The following PRICKLE1 variants were observed in gnomAD, a reference collection of about 807,000 sequenced individuals.
The protein encoded by PRICKLE1 is prickle-like protein 1.
In PRICKLE1, 14 loss-of-function variants were observed where a neutral mutation model predicts 70.2. That is an observed-to-expected ratio of 0.20 (90% CI 0.13 to 0.31). PRICKLE1 has a LOEUF of 0.31. PRICKLE1 is among the 10% of genes least tolerant of loss of function. The probability of loss-of-function intolerance (pLI) is 1.00; values close to 1 mark genes in which losing one functional copy is unlikely to be tolerated. For missense variants in PRICKLE1, 821 were observed against 1,026.2 expected, an observed-to-expected ratio of 0.80 and a Z score of 2.73; for synonymous variants, 357 against 379.9, an observed-to-expected ratio of 0.94 and a Z score of 0.70.
intron 1 of PRICKLE1, 117 bp from the exon 2 acceptor site, chr12:42,472,681 C>G: frequency 1.2e-6 from 1 of 838,806 alleles, no homozygotes; most frequent in South Asian, 1.6e-5. Context: ...GAGAAAGTAA[C>G]CAAATTACTA....
At chr12:42,550,370 G>C (rs1940294215) in intron 1 of PRICKLE1, 1 of 152,118 alleles carries the variant, frequency 6.6e-6, no homozygotes, top group African/African-American at 2.4e-5. Context: ...GTAAATGACT[G>C]AACTTTAAAA....
chr12:42,565,157 C>G (rs1940600334), intron 1 of PRICKLE1, among the ~76,000 whole-genome samples: 1 of 152,216 alleles, frequency 6.6e-6, no homozygotes, highest in African/African-American at 2.4e-5. Flanking sequence ...TCTCCCAGTA[C>G]TGGGGGAACC....
intron 1 of PRICKLE1, among the ~76,000 whole-genome samples, chr12:42,509,540 C>T (rs10880309): frequency 0.58 from 87,776 of 151,776 alleles, 25,675 homozygotes; most frequent in East Asian, 0.72. Flanking sequence ...CTGGGTGGGA[C>T]GACTTTGGAG....
chr12:42,545,228 T>A (rs1304582394), intron 1 of PRICKLE1, among the ~76,000 whole-genome samples: 1 of 152,136 alleles, frequency 6.6e-6, no homozygotes, highest in African/African-American at 2.4e-5. Context: ...AGTCTAGAAC[T>A]CCTGAGCTCA....
At chr12:42,545,489 G>T (rs1190213778) in intron 1 of PRICKLE1, among the ~76,000 whole-genome samples, 1 of 152,204 alleles carries the variant, frequency 6.6e-6, no homozygotes, top group Non-Finnish European at 1.5e-5. Flanking sequence ...AAAGTCTCAT[G>T]CATTAAATTG....
chr12:42,532,199 T>C (rs947725787), intron 1 of PRICKLE1, among the ~76,000 whole-genome samples: 1 of 152,166 alleles, frequency 6.6e-6, no homozygotes, highest in African/African-American at 2.4e-5. Flanking sequence ...ACAATTTTCA[T>C]TTTCCTAGCA....
chr12:42,476,022 C>A (rs1425057203), intron 1 of PRICKLE1, among the ~76,000 whole-genome samples: 1 of 149,052 alleles, frequency 6.7e-6, no homozygotes, highest in East Asian at 2.0e-4. Flanking sequence ...ATTGCTTGAA[C>A]CGGAAGTTGC....
intron 1 of PRICKLE1, among the ~76,000 whole-genome samples, chr12:42,579,025 A>G (rs1383564387): frequency 6.6e-6 from 1 of 152,152 alleles, no homozygotes; most frequent in African/African-American, 2.4e-5. Context: ...GGCCTCCCAA[A>G]GTGCTGGGAT....
At chr12:42,516,277 G>A (rs1017331789) in intron 1 of PRICKLE1, among the ~76,000 whole-genome samples, 5 of 152,114 alleles carry the variant, frequency 3.3e-5, no homozygotes, top group Admixed American at 3.3e-4. Flanking sequence ...GACTACAGGT[G>A]CCCACCACCA....
chr12:42,486,156 C>G (rs1938987177), intron 1 of PRICKLE1, among the ~76,000 whole-genome samples: 3 of 152,218 alleles, frequency 2.0e-5, no homozygotes, highest in Admixed American at 1.3e-4. Context: ...CTGGTCTTTG[C>G]TCTAAGGTCA....
chr12:42,495,400 A>AAGAG (rs1214248453), intron 1 of PRICKLE1, among the ~76,000 whole-genome samples: 2 of 136,582 alleles, frequency 1.5e-5, no homozygotes, highest in African/African-American at 3.1e-5. Context: ...AAAAAAAAAA[A>AAGAG]AGAGAGAGAG....
At chr12:42,469,428 C>T in intron 4 of PRICKLE1, 22 bp downstream of exon 4, 1 of 1,613,644 alleles carries the variant, frequency 6.2e-7, no homozygotes, top group Admixed American at 1.7e-5. Context: ...ACAAGCTACG[C>T]ATCAGAGAAG....
At chr12:42,532,623 C>T (rs1041411054) in intron 1 of PRICKLE1, among the ~76,000 whole-genome samples, 1 of 152,152 alleles carries the variant, frequency 6.6e-6, no homozygotes, top group Non-Finnish European at 1.5e-5. Flanking sequence ...TCCGGCCGGG[C>T]GCGGTGGCTC....
intron 1 of PRICKLE1, among the ~76,000 whole-genome samples, chr12:42,569,198 A>G (rs1940669206): frequency 6.6e-6 from 1 of 152,238 alleles, no homozygotes; most frequent in Admixed American, 6.5e-5. Context: ...CTTAAAATGT[A>G]AAGTTAAAAC....
chr12:42,551,927 T>C (rs143213501), intron 1 of PRICKLE1, among the ~76,000 whole-genome samples: 2,214 of 152,324 alleles, frequency 0.015, 52 homozygotes, highest in African/African-American at 0.05. Flanking sequence ...ATTTCTATGA[T>C]GTTTAAAACT....
At position 42,466,246 on chromosome 12, in the gene PRICKLE1, G is replaced by A. The variant is rs1938091602; in HGVS notation, c.723C>T (p.Gly241=). 6.2e-7 allele frequency: 1 copy of A among 1,614,086 alleles called. No individual in the cohort carries two copies. The highest frequency in any genetic ancestry group is 1.3e-5 in the African/African-American group (1 of 74,922). ...ACTCCGCATAGAGAGACTCAAAACA[G>A]CCACAGCAGAAGGGGCGGCCGTCCT... ...IMKDGRPFCC[G]CFESLYAEYC... Residue 241 remains glycine (G), a synonymous_variant, in exon 6 of 8, where the codon GGC becomes GGT. Coordinates refer to ENST00000345127, the MANE Select transcript of PRICKLE1 (RefSeq NM_153026.3).
chr12:42,479,716 G>A (rs1566093031), intron 1 of PRICKLE1, among the ~76,000 whole-genome samples: 1 of 152,172 alleles, frequency 6.6e-6, no homozygotes, highest in Non-Finnish European at 1.5e-5. Context: ...CAGCACTATA[G>A]AGGCTAAGGT....
At chr12:42,528,876 C>T (rs1939859771) in intron 1 of PRICKLE1, among the ~76,000 whole-genome samples, 1 of 152,210 alleles carries the variant, frequency 6.6e-6, no homozygotes, top group Non-Finnish European at 1.5e-5. Context: ...ACAGACTACA[C>T]AGCTTCTCTA....
intron 1 of PRICKLE1, among the ~76,000 whole-genome samples, chr12:42,478,909 T>C (rs1938684047): frequency 6.6e-6 from 1 of 152,086 alleles, no homozygotes; most frequent in Non-Finnish European, 1.5e-5. Flanking sequence ...TTCTCAATCA[T>C]CATTGTCAAG....
Sources: gnomAD v4.1 joint callset for allele counts (sites outside exome capture counted in the v4.1 genomes callset) on GRCh38, gnomAD v4.1.1 for gene constraint, MANE v1.5 for transcripts, NCBI Gene and HGNC (gene_info 2026-07-23, HGNC 2026-07-21) for gene names.